The following GPC5 variants were observed in gnomAD, a reference collection of about 807,000 sequenced individuals.
GPC5 encodes the protein glypican-5.
GPC5 carries 47 observed loss-of-function variants against 53.9 expected under a neutral mutation model. That is an observed-to-expected ratio of 0.87 (90% CI 0.69 to 1.11). The LOEUF is 1.11. Among genes scored for constraint, GPC5 ranks in the 50% most tolerant of loss-of-function variants. The probability of loss-of-function intolerance (pLI) is 0.00; values close to 1 mark genes in which losing one functional copy is unlikely to be tolerated. For missense variants in GPC5, 748 were observed against 713.1 expected (o/e 1.05, Z -0.56); for synonymous variants, 286 against 263.3 (o/e 1.09, Z -0.84).
chr13:92,166,980 A>T (rs1212457836), intron 7 of GPC5, among the ~76,000 whole-genome samples: 1 of 151,322 alleles, frequency 6.6e-6, no homozygotes, highest in Non-Finnish European at 1.5e-5. Context: ...ACACACACAC[A>T]CACACACACA....
chr13:92,303,854 C>G (rs556317684), intron 7 of GPC5, among the ~76,000 whole-genome samples: 1 of 152,272 alleles, frequency 6.6e-6, no homozygotes, highest in African/African-American at 2.4e-5. Context: ...GGGACCAGAA[C>G]AGTTAGCAAG....
chr13:92,472,038 G>GT (rs1162972923), intron 7 of GPC5, among the ~76,000 whole-genome samples: 1 of 152,086 alleles, frequency 6.6e-6, no homozygotes, highest in Admixed American at 6.6e-5. Context: ...CATGGATGAA[G>GT]TATTGTTTTA....
intron 2 of GPC5, among the ~76,000 whole-genome samples, chr13:91,604,449 G>A (rs1385658512): frequency 6.6e-6 from 1 of 151,538 alleles, no homozygotes; most frequent in Non-Finnish European, 1.5e-5. Context: ...ATGATTTATA[G>A]TCCTTTGGGT....
chr13:92,323,212 T>C (rs766565048), intron 7 of GPC5, among the ~76,000 whole-genome samples: 19 of 151,328 alleles, frequency 1.3e-4, no homozygotes, highest in Non-Finnish European at 2.1e-4. Context: ...AGGTACTTAG[T>C]ATTTTCGGTA....
rs535321913 is a variant in GPC5, at chr13:92,215,446, C to G, written c.1561+70457C>G. Among the ~76,000 whole-genome samples, 13 of 152,200 alleles carry G rather than the reference C, an allele frequency of 8.5e-5. 1 individual carries two copies. In the South Asian group the frequency reaches 2.5e-3, roughly 29 times the overall value. Reference sequence around the variant, plus strand: ...AACATTTGCTATTTGGCAAAGGAATCAAGTAGAAAGTAAAATAATTCATGT... The same window carrying G: ...AACATTTGCTATTTGGCAAAGGAATGAAGTAGAAAGTAAAATAATTCATGT... On this transcript the variant is annotated intron_variant, in intron 7 of 7. Coordinates refer to ENST00000377067, the MANE Select transcript of GPC5 (RefSeq NM_004466.6).
intron 2 of GPC5, among the ~76,000 whole-genome samples, chr13:91,509,046 T>G (rs1885095616): frequency 6.6e-6 from 1 of 152,158 alleles, no homozygotes; most frequent in Non-Finnish European, 1.5e-5. Context: ...AAAGGCTTTT[T>G]GAGCCTTGAA....
At chr13:91,699,831 T>A (rs1330991564) in intron 3 of GPC5, among the ~76,000 whole-genome samples, 1 of 152,210 alleles carries the variant, frequency 6.6e-6, no homozygotes, top group Non-Finnish European at 1.5e-5. Flanking sequence ...CCCACCGACT[T>A]CTGGTCACTA....
At chr13:92,290,965 C>G (rs60793085) in intron 7 of GPC5, among the ~76,000 whole-genome samples, 10,744 of 152,172 alleles carry the variant, frequency 0.071, 1,286 homozygotes, top group African/African-American at 0.24. Flanking sequence ...CTGGGCTCGG[C>G]AGGCCCCACT....
chr13:91,878,203 A>T (rs975871349), intron 5 of GPC5, among the ~76,000 whole-genome samples: 20 of 152,338 alleles, frequency 1.3e-4, no homozygotes, highest in African/African-American at 4.6e-4. Context: ...GTGTAATAAT[A>T]TGAGTTTTCC....
At chr13:92,123,608 T>G (rs1338433710) in intron 6 of GPC5, among the ~76,000 whole-genome samples, 1 of 152,192 alleles carries the variant, frequency 6.6e-6, no homozygotes, top group East Asian at 1.9e-4. Flanking sequence ...TGTAATGCAC[T>G]GACCTTTTGG....
intron 5 of GPC5, among the ~76,000 whole-genome samples, chr13:91,805,938 G>A (rs946921670): frequency 6.0e-5 from 9 of 149,776 alleles, no homozygotes; most frequent in East Asian, 2.0e-4. Flanking sequence ...ACTAAGATTC[G>A]CCTTTTTAAA....
intron 7 of GPC5, among the ~76,000 whole-genome samples, chr13:92,262,965 A>G (rs1471995757): frequency 1.3e-5 from 2 of 151,984 alleles, no homozygotes; most frequent in African/African-American, 4.8e-5. Flanking sequence ...TACCATTTCC[A>G]TACTCTTTAG....
chr13:92,851,327 T>C (rs1878792293), intron 7 of GPC5, among the ~76,000 whole-genome samples: 1 of 151,356 alleles, frequency 6.6e-6, no homozygotes, highest in African/African-American at 2.4e-5. Flanking sequence ...TACACTCTGG[T>C]CCCAGCCTAC....
intron 5 of GPC5, among the ~76,000 whole-genome samples, chr13:91,861,015 G>T (rs962773765): frequency 2.0e-5 from 3 of 151,938 alleles, no homozygotes; most frequent in African/African-American, 7.3e-5. Flanking sequence ...ACAACTATTT[G>T]GGGGTTTCCT....
intron 7 of GPC5, among the ~76,000 whole-genome samples, chr13:92,619,099 A>T (rs1208157209): frequency 6.6e-6 from 1 of 151,910 alleles, no homozygotes; most frequent in Non-Finnish European, 1.5e-5. Flanking sequence ...GTTTAAAATA[A>T]TAAAGAAAAT....
chr13:91,783,778 C>T (rs2037835266), intron 5 of GPC5, among the ~76,000 whole-genome samples: 1 of 152,068 alleles, frequency 6.6e-6, no homozygotes, highest in African/African-American at 2.4e-5. Context: ...CAACATTTTC[C>T]CCTTCAGAAA....
chr13:92,841,763 T>C (rs1566441184), intron 7 of GPC5, among the ~76,000 whole-genome samples: 2 of 152,156 alleles, frequency 1.3e-5, no homozygotes, highest in Admixed American at 1.3e-4. Context: ...GAGTTTTATA[T>C]AATCTGTAAG....
chr13:92,288,480 A>G (rs2042971440), intron 7 of GPC5, among the ~76,000 whole-genome samples: 1 of 152,176 alleles, frequency 6.6e-6, no homozygotes, highest in Admixed American at 6.5e-5. Flanking sequence ...GACTGTATTC[A>G]TTGTCATATG....
At chr13:92,094,498 G>T (rs1174841527) in intron 6 of GPC5, among the ~76,000 whole-genome samples, 1 of 138,446 alleles carries the variant, frequency 7.2e-6, no homozygotes, top group South Asian at 2.3e-4. Flanking sequence ...TCCAGCCTGG[G>T]CGAAAGAGCA....
Sources: gnomAD v4.1 joint callset for allele counts (sites outside exome capture counted in the v4.1 genomes callset) on GRCh38, gnomAD v4.1.1 for gene constraint, MANE v1.5 for transcripts, NCBI Gene and HGNC (gene_info 2026-07-23, HGNC 2026-07-21) for gene names.